The following ARHGAP1 variants were observed in gnomAD, a reference collection of about 807,000 sequenced individuals.
ARHGAP1 encodes Rho GTPase activating protein 1.
In ARHGAP1, 23 loss-of-function variants were observed where a neutral mutation model predicts 52.2. The observed-to-expected ratio is 0.44, with a 90% confidence interval of 0.32 to 0.62. The LOEUF (loss-of-function observed/expected upper bound fraction) is 0.62, where lower values mean the gene tolerates loss of function less well. Among genes scored for constraint, ARHGAP1 ranks in the 20% least tolerant of loss-of-function variants. ARHGAP1 has a pLI of 0.05. For missense variants in ARHGAP1, 480 were observed against 560.9 expected (o/e 0.86, Z 1.46); for synonymous variants, 210 against 228.4 (o/e 0.92, Z 0.73).
At chr11:46,686,285 C>CA (rs1390917125) in intron 4 of ARHGAP1, among the ~76,000 whole-genome samples, 2 of 151,924 alleles carry the variant, frequency 1.3e-5, no homozygotes, top group Non-Finnish European at 2.9e-5. Context: ...GACGAGGAGC[C>CA]ACAAGAGACT....
At position 46,680,517 on chromosome 11, in the gene ARHGAP1, T is replaced by C; in HGVS notation, c.790A>G (p.Arg264Gly). Reference protein sequence around the residue: ...PEQEPIPIVLRETVAYLQAHA... With the variant: ...PEQEPIPIVLGETVAYLQAHA... Reference sequence around the variant, plus strand: ...GCCTGTAAGTAGGCAACAGTCTCCCTGAGTACAATGGGAATGGGCTCCTGC... The same window carrying C: ...GCCTGTAAGTAGGCAACAGTCTCCCCGAGTACAATGGGAATGGGCTCCTGC... Residue 264 changes from arginine (R) to glycine (G), a missense_variant, in exon 9 of 13, where the codon AGG becomes GGG. Arg to Gly is a moderately radical substitution (Grantham distance 125, BLOSUM62 -2). Transcript: ENST00000311956. The surrounding 1 kb of genome is among the most constrained non-coding windows in gnomAD (Gnocchi z 5.9). The C allele has an allele frequency of 1.2e-6, 2 of 1,614,040 alleles. No individual in the cohort carries two copies. Among genetic ancestry groups the C allele is most frequent in the Non-Finnish European group, 1.7e-6 (2 of 1,179,988 alleles).
At chr11:46,689,562 A>T (rs1183502316) in intron 3 of ARHGAP1, among the ~76,000 whole-genome samples, 3 of 151,944 alleles carry the variant, frequency 2.0e-5, no homozygotes, top group East Asian at 3.9e-4. Context: ...TTTTTTTTAG[A>T]TGGAGTCTCA....
rs1057324119 is a variant in ARHGAP1, at chr11:46,696,740, G to C, written c.-49-584C>G. 6.6e-6 allele frequency among the ~76,000 whole-genome samples: 1 copy of C among 152,138 alleles called. No individual in the cohort carries two copies. Among genetic ancestry groups the C allele is most frequent in the African/African-American group, 2.4e-5 (1 of 41,426 alleles). On this transcript the variant is annotated intron_variant, in intron 1 of 12. Transcript: ENST00000311956. The surrounding 1 kb of genome is among the most constrained non-coding windows in gnomAD (Gnocchi z 4.8). ...AAAAACTAGCTGGGCGTGGTGGCAGGCATCTGTAATCCCAGCTACTCAGGA... is the reference window on the plus strand; with the variant it reads ...AAAAACTAGCTGGGCGTGGTGGCAGCCATCTGTAATCCCAGCTACTCAGGA...
rs1239491534 is a variant in ARHGAP1, at chr11:46,688,204, TG to T, written c.285del (p.Ser96AlafsTer13). ...IIVFSACRMP[P>X]SHQLDHSKLL... is the part of the protein sequence containing the mutation. ...AGCTTGCTGTGGTCGAGCTGGTGGCTGGGGGGCATTCGACAGGCACTAAACA... is the reference window on the plus strand; with the variant it reads ...AGCTTGCTGTGGTCGAGCTGGTGGCTGGGGGCATTCGACAGGCACTAAACA... On this transcript the variant is annotated frameshift_variant, in exon 4 of 13. Coordinates refer to ENST00000311956, the MANE Select transcript of ARHGAP1 (RefSeq NM_004308.5). LOFTEE classifies it high-confidence loss of function. 6.2e-7 allele frequency: 1 copy of T among 1,613,896 alleles called. No homozygotes were observed. The highest frequency in any genetic ancestry group is 1.7e-5 in the Admixed American group (1 of 59,984).
intron 3 of ARHGAP1, chr11:46,695,347 A>G (rs1280653303): frequency 2.5e-6 from 1 of 400,956 alleles, no homozygotes; most frequent in African/African-American, 2.1e-5. Context: ...GTGGAGGGGT[A>G]GGAGGGCAAT....
At chr11:46,697,788 T>C (rs2064667213) in intron 1 of ARHGAP1, among the ~76,000 whole-genome samples, 1 of 152,160 alleles carries the variant, frequency 6.6e-6, no homozygotes, top group Non-Finnish European at 1.5e-5. Context: ...AGAAGAATGA[T>C]CCCTCACGGT....
chr11:46,690,597 T>A (rs532143428), intron 3 of ARHGAP1, among the ~76,000 whole-genome samples: 1 of 152,220 alleles, frequency 6.6e-6, no homozygotes, highest in Non-Finnish European at 1.5e-5. Flanking sequence ...CATTCTATCC[T>A]TTCTCATTAA....
In ARHGAP1 at chr11:46,681,536, C is replaced by A. The variant is rs2064528064; in HGVS notation, c.450-157G>T. The A allele has an allele frequency of 3.3e-6, 2 of 609,330 alleles. No individual in the cohort carries two copies. Among genetic ancestry groups the A allele is most frequent in the Admixed American group, 2.7e-5 (1 of 36,588 alleles). The allele number at this position is 609,330 out of a possible 1,614,324, so 37.7% of individuals were successfully genotyped here. The stretch of plus-strand genomic sequence containing the variant: ...GCAGCCTCCACCTCCCGGATTCAAG[C>A]TATTCTCCTGCCTCAGCCTCCTGAG... On this transcript the variant is annotated intron_variant, in intron 5 of 12. Coordinates refer to ENST00000311956, the MANE Select transcript of ARHGAP1 (RefSeq NM_004308.5). The surrounding 1 kb of genome is among the most constrained non-coding windows in gnomAD (Gnocchi z 5.7).
chr11:46,690,551 G>A (rs938328088), intron 3 of ARHGAP1, among the ~76,000 whole-genome samples: 8 of 152,076 alleles, frequency 5.3e-5, no homozygotes, highest in African/African-American at 1.9e-4. Context: ...AATTATGGAC[G>A]ACACTGGTTC....
chr11:46,692,946 G>A (rs1395470012), intron 3 of ARHGAP1, among the ~76,000 whole-genome samples: 5 of 151,912 alleles, frequency 3.3e-5, no homozygotes, highest in Admixed American at 1.3e-4. Flanking sequence ...TCCGCCTCCC[G>A]GGTTCACGCT....
chr11:46,683,235 G>T (rs1394896753), intron 4 of ARHGAP1, among the ~76,000 whole-genome samples: 2 of 151,922 alleles, frequency 1.3e-5, no homozygotes, highest in African/African-American at 2.4e-5. Context: ...GTAGAGACAG[G>T]TCTCACTATG....
At chr11:46,694,900 C>T (rs1052636159) in intron 3 of ARHGAP1, among the ~76,000 whole-genome samples, 2 of 152,230 alleles carry the variant, frequency 1.3e-5, no homozygotes, top group Admixed American at 6.5e-5. Context: ...GTTCTCCTTG[C>T]CCACGCCAAT....
rs1264881241 is a variant in ARHGAP1, at chr11:46,677,810, C to A, written c.*1227G>T. 2 of 323,406 alleles carry A rather than the reference C, an allele frequency of 6.2e-6. No homozygotes were observed. Among genetic ancestry groups the A allele is most frequent in the Non-Finnish European group, 1.2e-5 (2 of 166,160 alleles). The allele number at this position is 323,406 out of a possible 1,614,324, so 20.0% of individuals were successfully genotyped here. ...ACTAAAAATACAAAAATTAGCTGGG[C>A]ATGGTGGCATGCACCTATAGTCCCA... On this transcript the variant is annotated 3_prime_UTR_variant, in exon 13 of 13. Transcript: ENST00000311956.
chr11:46,694,985 G>A, intron 3 of ARHGAP1: 1 of 166,034 alleles, frequency 6.0e-6, no homozygotes, highest in Non-Finnish European at 1.3e-5. Context: ...CAAATGTTAG[G>A]GAAAAGATAA....
rs2064493076 is a variant in ARHGAP1 at position 46,677,983 on chromosome 11, C to A, written c.*1054G>T. ...AAGGTGGCCCTAGAGCCCCTTAATC[C>A]CCTGGGGAAATTGCTAGAACCCACC... On this transcript the variant is annotated 3_prime_UTR_variant, in exon 13 of 13. Transcript: ENST00000311956. 1 of 435,482 alleles carries A rather than the reference C, an allele frequency of 2.3e-6. No individual in the cohort carries two copies. Among genetic ancestry groups the A allele is most frequent in the Non-Finnish European group, 4.5e-6 (1 of 220,786 alleles). 27.0% of individuals were successfully genotyped at this position (435,482 alleles called of 1,614,324 possible).
chr11:46,688,382 T>G (rs1206940266), intron 3 of ARHGAP1, 122 bp from the exon 4 acceptor site: 1 of 984,076 alleles, frequency 1.0e-6, no homozygotes, highest in African/African-American at 1.6e-5. Context: ...AGAGTGCCCA[T>G]GCAGACAGAC....
chr11:46,682,824 C>G (rs533406778), intron 4 of ARHGAP1, among the ~76,000 whole-genome samples: 3 of 152,168 alleles, frequency 2.0e-5, no homozygotes, highest in African/African-American at 4.8e-5. Flanking sequence ...TTCTCTGAAT[C>G]AATAATAATG....
intron 4 of ARHGAP1, among the ~76,000 whole-genome samples, chr11:46,682,935 C>T (rs1466364204): frequency 6.6e-6 from 1 of 152,080 alleles, no homozygotes; most frequent in Admixed American, 6.6e-5. Flanking sequence ...ATGTAATCCC[C>T]ATCCTACAAA....
chr11:46,693,045 G>C (rs563903719), intron 3 of ARHGAP1, among the ~76,000 whole-genome samples: 6 of 152,222 alleles, frequency 3.9e-5, no homozygotes, highest in Non-Finnish European at 8.8e-5. Flanking sequence ...GTAGAGACGG[G>C]GTTTCACTGT....
Sources: allele counts gnomAD v4.1 joint callset (sites outside exome capture counted in the v4.1 genomes callset), GRCh38; gene constraint gnomAD v4.1.1; non-coding constraint Gnocchi (gnomAD v3.1); transcripts MANE v1.5; gene names NCBI Gene and HGNC (gene_info 2026-07-23, HGNC 2026-07-21).